TAFA5: variants seen among roughly 807,000 people sequenced by gnomAD.
TAFA5 encodes the protein chemokine-like protein TAFA-5.
A neutral mutation model predicts 15.3 loss-of-function variants in TAFA5; 6 were observed. The ratio of observed to expected loss-of-function variants is 0.39; its 90% CI spans 0.21 to 0.77. The LOEUF is 0.77. Among genes scored for constraint, TAFA5 ranks in the 30% least tolerant of loss-of-function variants. The probability of loss-of-function intolerance (pLI) is 0.41; values close to 1 mark genes in which losing one functional copy is unlikely to be tolerated. For synonymous variants in TAFA5, 103 were observed against 80.7 expected (o/e 1.28, Z -1.48); for missense variants, 161 against 193.1 (o/e 0.83, Z 0.98).
At chr22:48,632,358 T>A (rs967051921) in intron 1 of TAFA5, among the ~76,000 whole-genome samples, 1 of 152,166 alleles carries the variant, frequency 6.6e-6, no homozygotes, top group African/African-American at 2.4e-5. Context: ...TGGGTGTTAA[T>A]CCCACAGGGC....
intron 1 of TAFA5, among the ~76,000 whole-genome samples, chr22:48,495,006 G>T (rs1928277662): frequency 6.6e-6 from 1 of 152,248 alleles, no homozygotes; most frequent in Non-Finnish European, 1.5e-5. Flanking sequence ...GCTCCAGGGA[G>T]GCTGAGTTCC....
chr22:48,530,601 C>G lies in TAFA5; in HGVS notation c.112+40897C>G, dbSNP rs988244381. Among the ~76,000 whole-genome samples, 1 of 152,112 alleles carries G rather than the reference C, an allele frequency of 6.6e-6. No individual in the cohort carries two copies. Among genetic ancestry groups the G allele is most frequent in the African/African-American group, 2.4e-5 (1 of 41,424 alleles). ...TGCTAGAGGGTGGGCAAGAAACCAGCGCTCCCCTGGCTCCCTCCCTTCCCA... is the reference window on the plus strand; with the variant it reads ...TGCTAGAGGGTGGGCAAGAAACCAGGGCTCCCCTGGCTCCCTCCCTTCCCA... On this transcript the variant is annotated intron_variant, in intron 1 of 3. Transcript: ENST00000402357. The surrounding 1 kb of genome is among the most constrained non-coding windows in gnomAD (Gnocchi z 6.0).
chr22:48,683,364 G>A (rs1029267036), intron 2 of TAFA5, among the ~76,000 whole-genome samples: 5 of 152,354 alleles, frequency 3.3e-5, no homozygotes, highest in South Asian at 2.1e-4. Context: ...CGCCAGGTAC[G>A]GCACTTGCTG....
At chr22:48,559,988 C>T (rs558349734) in intron 1 of TAFA5, among the ~76,000 whole-genome samples, 17 of 152,264 alleles carry the variant, frequency 1.1e-4, no homozygotes, top group Non-Finnish European at 2.5e-4. Flanking sequence ...TCCAGACCCC[C>T]GTGGGTGTGA....
At position 48,489,901 on chromosome 22, in the gene TAFA5, G is replaced by A. The variant is rs1928081558; in HGVS notation, c.112+197G>A. 6.6e-6 allele frequency among the ~76,000 whole-genome samples: 1 copy of A among 151,804 alleles called. No homozygotes were observed. Among genetic ancestry groups the A allele is most frequent in the South Asian group, 2.1e-4 (1 of 4,824 alleles). On this transcript the variant is annotated intron_variant, in intron 1 of 3. Coordinates refer to ENST00000402357, the MANE Select transcript of TAFA5 (RefSeq NM_001082967.3). This position sits in a 1 kb window ranked among gnomAD's most constrained non-coding sequence, Gnocchi z 5.5. ...GTCCACCCGGGTTCCGGGCGCTCGA[G>A]CACTTCGGGGTCGGACGCCCCGGCC...
chr22:48,505,731 G>C (rs978785826), intron 1 of TAFA5, among the ~76,000 whole-genome samples: 1 of 152,142 alleles, frequency 6.6e-6, no homozygotes, highest in Non-Finnish European at 1.5e-5. Flanking sequence ...CATCCTGGTG[G>C]GCCAGCATCC....
chr22:48,499,669 C>T (rs1023203564), intron 1 of TAFA5, among the ~76,000 whole-genome samples: 2 of 152,240 alleles, frequency 1.3e-5, no homozygotes, highest in Non-Finnish European at 1.5e-5. Context: ...ATGCTGCCTC[C>T]AGGCAGGCTA....
chr22:48,550,954 C>A lies in TAFA5; in HGVS notation c.112+61250C>A, dbSNP rs139810778. On this transcript the variant is annotated intron_variant, in intron 1 of 3. Transcript: ENST00000402357. The surrounding 1 kb of genome is among the most constrained non-coding windows in gnomAD (Gnocchi z 4.1). Reference sequence around the variant, plus strand: ...ATGGGCTGCTGTGGTGTCCCCTCCCCACCAGGGCTGCTCTGAGGGCCCTGG... The same window carrying A: ...ATGGGCTGCTGTGGTGTCCCCTCCCAACCAGGGCTGCTCTGAGGGCCCTGG... 3.3e-5 allele frequency among the ~76,000 whole-genome samples: 5 copies of A among 152,086 alleles called. No individual in the cohort carries two copies. In the East Asian group the frequency reaches 9.8e-4, roughly 30 times the overall value.
intron 1 of TAFA5, among the ~76,000 whole-genome samples, chr22:48,534,270 A>G (rs5768712): frequency 0.051 from 7,690 of 150,344 alleles, 432 homozygotes; most frequent in East Asian, 0.21. Context: ...GGTGAGGTGG[A>G]TCAGGCAATT....
chr22:48,618,922 G>A (rs1371328909), intron 1 of TAFA5, among the ~76,000 whole-genome samples: 6 of 152,198 alleles, frequency 3.9e-5, no homozygotes, highest in Non-Finnish European at 8.8e-5. Context: ...CTGGGAGGCT[G>A]GTGGAGTCCT....
chr22:48,750,567 C>T lies in TAFA5; in HGVS notation c.*720C>T, dbSNP rs117229848. On this transcript the variant is annotated 3_prime_UTR_variant, in exon 4 of 4. Coordinates refer to ENST00000402357, the MANE Select transcript of TAFA5 (RefSeq NM_001082967.3). ...GCAGCGACGGCCCCCACGCAGACGCCGGGAACGCAGGCCGCTTTATTCCTC... is the reference window on the plus strand; with the variant it reads ...GCAGCGACGGCCCCCACGCAGACGCTGGGAACGCAGGCCGCTTTATTCCTC... 0.035 allele frequency: 5,338 copies of T among 152,586 alleles called. 137 individuals are homozygous for T. The highest frequency in any genetic ancestry group is 0.065 in the Middle Eastern group (19 of 292). 9.5% of individuals were successfully genotyped at this position (152,586 alleles called of 1,614,324 possible).
At position 48,751,068 on chromosome 22, in the gene TAFA5, C is replaced by G. The variant is rs746254199; in HGVS notation, c.*1221C>G. The G allele has an allele frequency of 2.2e-4, 33 of 152,338 alleles. No individual in the cohort carries two copies. Among genetic ancestry groups the G allele is most frequent in the Non-Finnish European group, 3.5e-4 (24 of 68,086 alleles). 9.4% of individuals were successfully genotyped at this position (152,338 alleles called of 1,614,324 possible). On this transcript the variant is annotated 3_prime_UTR_variant, in exon 4 of 4. Transcript: ENST00000402357. ...GGCGTCCCGGATGTGTCGGTCGTGCCCGGGGAGGCCGGGTTCCCCTCGCTG... is the reference window on the plus strand; with the variant it reads ...GGCGTCCCGGATGTGTCGGTCGTGCGCGGGGAGGCCGGGTTCCCCTCGCTG...
At chr22:48,578,360 C>T (rs959214295) in intron 1 of TAFA5, among the ~76,000 whole-genome samples, 4 of 152,148 alleles carry the variant, frequency 2.6e-5, no homozygotes, top group South Asian at 2.1e-4. Flanking sequence ...CAGGTGCCTC[C>T]GGGGGCTCTG....
intron 1 of TAFA5, among the ~76,000 whole-genome samples, chr22:48,600,776 A>G (rs2147165093): frequency 6.6e-6 from 1 of 152,300 alleles, no homozygotes; most frequent in East Asian, 1.9e-4. Context: ...CACTCGGGGC[A>G]TGAATCGTCC....
In TAFA5 at chr22:48,582,672, C is replaced by A. The variant is rs543345586; in HGVS notation, c.113-63925C>A. Among the ~76,000 whole-genome samples the A allele has an allele frequency of 2.0e-5, 3 of 149,942 alleles. No individual in the cohort carries two copies. The South Asian group carries it at 6.4e-4, about 32-fold the overall frequency. ...CCACACACACCACACACAAAATACA[C>A]CACACACGAAATACACCACACACCA... is the stretch of plus-strand genomic sequence containing the variant. On this transcript the variant is annotated intron_variant, in intron 1 of 3. Transcript: ENST00000402357.
chr22:48,630,984 G>C (rs1418436056), intron 1 of TAFA5, among the ~76,000 whole-genome samples: 1 of 152,202 alleles, frequency 6.6e-6, no homozygotes, highest in African/African-American at 2.4e-5. Flanking sequence ...GGAACTCGGC[G>C]TGTCCTGCAG....
At chr22:48,670,010 C>G (rs1471063547) in intron 2 of TAFA5, among the ~76,000 whole-genome samples, 1 of 152,180 alleles carries the variant, frequency 6.6e-6, no homozygotes, top group African/African-American at 2.4e-5. Flanking sequence ...CCCTCAACTC[C>G]CAAGCAGCTT....
At chr22:48,501,934 C>T (rs1279105656) in intron 1 of TAFA5, among the ~76,000 whole-genome samples, 2 of 152,214 alleles carry the variant, frequency 1.3e-5, no homozygotes, top group Non-Finnish European at 2.9e-5. Flanking sequence ...TGTGCGGTCA[C>T]TTCAGGGCAC....
chr22:48,601,907 A>G (rs1924987271), intron 1 of TAFA5, among the ~76,000 whole-genome samples: 1 of 152,180 alleles, frequency 6.6e-6, no homozygotes, highest in African/African-American at 2.4e-5. Context: ...GTCGCACACC[A>G]TTCTGTCCAG....
Sources: gnomAD v4.1 joint callset for allele counts (sites outside exome capture counted in the v4.1 genomes callset) on GRCh38, gnomAD v4.1.1 for gene constraint, Gnocchi (gnomAD v3.1) non-coding constraint, MANE v1.5 for transcripts, NCBI Gene and HGNC (gene_info 2026-07-23, HGNC 2026-07-21) for gene names.